The following PPP2R2C variants were observed in gnomAD, a reference collection of about 807,000 sequenced individuals.
The protein encoded by PPP2R2C is protein phosphatase 2 regulatory subunit Bgamma.
In PPP2R2C, 10 loss-of-function variants were observed where a neutral mutation model predicts 45.3. The ratio of observed to expected loss-of-function variants is 0.22; its 90% CI spans 0.14 to 0.37. The LOEUF (loss-of-function observed/expected upper bound fraction) is 0.37. PPP2R2C is among the 10% of genes least tolerant of loss of function. PPP2R2C has a pLI of 1.00. For missense variants in PPP2R2C, 308 were observed against 619.7 expected (o/e 0.50, Z 5.34); for synonymous variants, 257 against 245.4 (o/e 1.05, Z -0.44).
chr4:6,421,889 C>A (rs548213555), intron 1 of PPP2R2C, among the ~76,000 whole-genome samples: 1 of 152,338 alleles, frequency 6.6e-6, no homozygotes, highest in Admixed American at 6.5e-5. Context: ...GGGTTGTCAT[C>A]TTACTCTGCC....
At chr4:6,349,935 G>A (rs1712387227) in intron 5 of PPP2R2C, 1 of 985,234 alleles carries the variant, frequency 1.0e-6, no homozygotes, top group Non-Finnish European at 1.2e-6. Context: ...TAAACCCGAG[G>A]GTTTATAAAA....
At chr4:6,410,319 C>T (rs1718079131) in intron 1 of PPP2R2C, among the ~76,000 whole-genome samples, 1 of 152,118 alleles carries the variant, frequency 6.6e-6, no homozygotes, top group South Asian at 2.1e-4. Context: ...TTTAATTAGC[C>T]CTCTGTTCCG....
chr4:6,445,587 C>G (rs1720374248), intron 1 of PPP2R2C, among the ~76,000 whole-genome samples: 1 of 152,226 alleles, frequency 6.6e-6, no homozygotes, highest in Non-Finnish European at 1.5e-5. Context: ...GGTGCTGTGG[C>G]CCATGCCTGT....
At chr4:6,398,321 T>C (rs950991124) in intron 1 of PPP2R2C, among the ~76,000 whole-genome samples, 1 of 138,294 alleles carries the variant, frequency 7.2e-6, no homozygotes, top group East Asian at 3.9e-4. Flanking sequence ...TGGCAAGGCA[T>C]GGAATGAGAG....
chr4:6,511,531 G>A (rs1335004867), intron 2 of PPP2R2C, among the ~76,000 whole-genome samples: 9 of 35,316 alleles, frequency 2.5e-4, no homozygotes, highest in African/African-American at 5.0e-4. Context: ...GGTGATGGTG[G>A]TGGTGGTGGT....
Position 6,512,537 on chromosome 4 carries a change from TG to T in PPP2R2C, c.49+22733del, listed in dbSNP as rs1723676779. Among the ~76,000 whole-genome samples the T allele has an allele frequency of 6.6e-5, 4 of 60,766 alleles. 1 individual carries two copies. Among genetic ancestry groups the T allele is most frequent in the Non-Finnish European group, 6.0e-5 (2 of 33,558 alleles). The allele number at this position is 60,766 out of a possible 152,430, so 39.9% of individuals were successfully genotyped here. On this transcript the variant is annotated intron_variant, in intron 2 of 9. Coordinates refer to the PPP2R2C transcript ENST00000506140. ...TTGGTGGTGGTGGTGGTGATGGTGA[TG>T]GTGGTGATGGTGGTGATGGTGGTGG...
At chr4:6,354,273 G>A (rs576728757) in intron 5 of PPP2R2C, among the ~76,000 whole-genome samples, 1 of 151,824 alleles carries the variant, frequency 6.6e-6, no homozygotes, top group African/African-American at 2.4e-5. Context: ...GCCCCTGCCT[G>A]CTCTTCCTCA....
intron 1 of PPP2R2C, among the ~76,000 whole-genome samples, chr4:6,562,869 C>A (rs7668629): frequency 0.47 from 70,605 of 151,152 alleles, 17,030 homozygotes; most frequent in Middle Eastern, 0.52. Flanking sequence ...AAAGCCAACC[C>A]GGGTCACTTC....
chr4:6,465,915 G>A (rs955425685), intron 1 of PPP2R2C, among the ~76,000 whole-genome samples: 2 of 152,070 alleles, frequency 1.3e-5, no homozygotes, highest in Non-Finnish European at 2.9e-5. Context: ...GAAGGACTAG[G>A]AGGAAAAGGA....
chr4:6,355,021 T>C (rs1169532058), intron 5 of PPP2R2C, among the ~76,000 whole-genome samples: 5 of 152,190 alleles, frequency 3.3e-5, no homozygotes, highest in Admixed American at 3.3e-4. Flanking sequence ...AATAAACATT[T>C]ATTTTACCTT....
chr4:6,394,673 G>A (rs1344983965), intron 1 of PPP2R2C, among the ~76,000 whole-genome samples: 6 of 152,340 alleles, frequency 3.9e-5, no homozygotes, highest in East Asian at 1.9e-4. Flanking sequence ...ACACTGATGC[G>A]GACCTATCAC....
At chr4:6,391,617 C>G (rs1716650937) in intron 1 of PPP2R2C, among the ~76,000 whole-genome samples, 2 of 152,218 alleles carry the variant, frequency 1.3e-5, no homozygotes, top group African/African-American at 4.8e-5. Context: ...CCCAAGAGCA[C>G]CAGGTGAAAT....
At chr4:6,472,003 G>C (rs1305366498) in intron 1 of PPP2R2C, among the ~76,000 whole-genome samples, 157 bp downstream of exon 1, 1 of 143,610 alleles carries the variant, frequency 7.0e-6, no homozygotes, top group Non-Finnish European at 1.5e-5. Context: ...GGCAGGGTGG[G>C]ATGGGATGGG....
intron 1 of PPP2R2C, among the ~76,000 whole-genome samples, chr4:6,468,095 G>C (rs574328406): frequency 1.7e-4 from 26 of 152,244 alleles, no homozygotes; most frequent in African/African-American, 6.3e-4. Flanking sequence ...TGGAAGAAGA[G>C]AGACTAACTG....
intron 1 of PPP2R2C, among the ~76,000 whole-genome samples, chr4:6,428,222 A>G (rs777686873): frequency 6.6e-6 from 1 of 152,244 alleles, no homozygotes; most frequent in Admixed American, 6.5e-5. Flanking sequence ...GAAAGGTTTC[A>G]GGAGAGGAGG....
At chr4:6,350,863 C>G in intron 5 of PPP2R2C, 2 of 985,390 alleles carry the variant, frequency 2.0e-6, no homozygotes, top group Non-Finnish European at 2.4e-6. Context: ...ACACTTGCAG[C>G]GTGAGTGGGA....
intron 1 of PPP2R2C, among the ~76,000 whole-genome samples, chr4:6,417,456 T>C (rs1560532812): frequency 6.6e-6 from 1 of 152,136 alleles, no homozygotes; most frequent in Non-Finnish European, 1.5e-5. Context: ...CTCTGTGACC[T>C]CAGTTTGCCC....
Position 6,446,980 on chromosome 4 carries a change from G to A in PPP2R2C, c.70+25180C>T, listed in dbSNP as rs541977391. Among the ~76,000 whole-genome samples, 55 of 152,204 alleles carry A rather than the reference G, an allele frequency of 3.6e-4. 1 individual carries two copies. Among genetic ancestry groups the A allele is most frequent in the Admixed American group, 2.4e-3 (37 of 15,302 alleles). ...GCTGGGCTGATTCAGACCACGGTGC[G>A]GGGCAAGGTCTTGGCAGAGCAACAG... On this transcript the variant is annotated intron_variant, in intron 1 of 8. Transcript: ENST00000382599.
At chr4:6,344,929 T>C (rs1711697597) in intron 6 of PPP2R2C, among the ~76,000 whole-genome samples, 1 of 152,196 alleles carries the variant, frequency 6.6e-6, no homozygotes. Flanking sequence ...TGCTTAAAAT[T>C]TTCCTTCTCT....
Sources: gnomAD v4.1 joint callset for allele counts (sites outside exome capture counted in the v4.1 genomes callset) on GRCh38, gnomAD v4.1.1 for gene constraint, MANE v1.5 for transcripts, NCBI Gene and HGNC (gene_info 2026-07-23, HGNC 2026-07-21) for gene names.